DCLK1: variants seen among roughly 807,000 people sequenced by gnomAD.
DCLK1 encodes serine/threonine-protein kinase DCLK1.
Under a neutral mutation model 86.2 loss-of-function variants are expected in DCLK1, and 16 were observed. That is an observed-to-expected ratio of 0.19 (90% CI 0.13 to 0.28). The LOEUF is 0.28. DCLK1 is among the 10% of genes least tolerant of loss of function. DCLK1 has a pLI of 1.00. For missense variants in DCLK1, 590 were observed against 940.2 expected (o/e 0.63, Z 4.87); for synonymous variants, 369 against 370.5 (o/e 1.00, Z 0.05).
intron 10 of DCLK1, among the ~76,000 whole-genome samples, chr13:35,824,909 A>T (rs2087483769): frequency 1.3e-5 from 2 of 152,024 alleles, no homozygotes. Flanking sequence ...GCCTGTCCTC[A>T]TGACAGCGCC....
At chr13:35,856,424 A>C (rs1043583903) in intron 5 of DCLK1, among the ~76,000 whole-genome samples, 1 of 152,218 alleles carries the variant, frequency 6.6e-6, no homozygotes, top group African/African-American at 2.4e-5. Flanking sequence ...TTTTGTGAAT[A>C]TAATATTTTC....
intron 3 of DCLK1, among the ~76,000 whole-genome samples, chr13:36,049,310 TCAATCCATCCC>T (rs1431274067): frequency 6.6e-6 from 1 of 152,150 alleles, no homozygotes; most frequent in East Asian, 1.9e-4. Context: ...TAAGAATGTG[TCAATCCATCCC>T]CAAATTCTAA....
At chr13:35,836,188 G>T in intron 7 of DCLK1, 47 bp from the exon 8 acceptor site, 2 of 1,447,952 alleles carry the variant, frequency 1.4e-6, no homozygotes, top group Non-Finnish European at 1.9e-6. Context: ...AGGGAACACA[G>T]ATGTTGCACA....
intron 3 of DCLK1, among the ~76,000 whole-genome samples, chr13:35,989,505 C>G (rs906688916): frequency 1.3e-5 from 2 of 152,118 alleles, no homozygotes; most frequent in Non-Finnish European, 2.9e-5. Context: ...CTCCTGACCT[C>G]AGGTGATCCA....
chr13:36,103,446 A>G (rs1256815718), intron 3 of DCLK1, among the ~76,000 whole-genome samples: 1 of 151,756 alleles, frequency 6.6e-6, no homozygotes, highest in Non-Finnish European at 1.5e-5. Flanking sequence ...AAAGACCGAA[A>G]TATGAGCAAG....
intron 7 of DCLK1, 48 bp from the exon 8 acceptor site, chr13:35,836,189 A>T: frequency 6.9e-7 from 1 of 1,441,512 alleles, no homozygotes; most frequent in East Asian, 2.3e-5. Context: ...GGGAACACAG[A>T]TGTTGCACAA....
At chr13:35,849,517 G>A (rs1177990245) in intron 6 of DCLK1, 1 of 981,142 alleles carries the variant, frequency 1.0e-6, no homozygotes, top group Non-Finnish European at 1.2e-6. Flanking sequence ...CTAGGATATG[G>A]CTTAAATACA....
intron 3 of DCLK1, among the ~76,000 whole-genome samples, chr13:36,009,814 G>A (rs1881192425): frequency 1.8e-5 from 2 of 110,720 alleles, no homozygotes; most frequent in South Asian, 3.9e-4. Context: ...ATTATCTTGG[G>A]CAGTATGGCC....
intron 16 of DCLK1, among the ~76,000 whole-genome samples, chr13:35,786,652 A>G (rs1218032911): frequency 6.6e-6 from 1 of 152,180 alleles, no homozygotes; most frequent in East Asian, 1.9e-4. Context: ...GGAAGTATAT[A>G]TTCTTTCAGG....
chr13:35,933,820 T>A (rs1423059161), intron 4 of DCLK1, among the ~76,000 whole-genome samples: 1 of 152,228 alleles, frequency 6.6e-6, no homozygotes, highest in Non-Finnish European at 1.5e-5. Context: ...CCCCATTGTC[T>A]TGGGAATGAA....
chr13:36,086,489 T>C (rs1316279906), intron 3 of DCLK1, among the ~76,000 whole-genome samples: 1 of 149,588 alleles, frequency 6.7e-6, no homozygotes, highest in Non-Finnish European at 1.5e-5. Context: ...AGTTCTGGGA[T>C]ACATGCGCAG....
chr13:35,911,138 A>AC (rs945051749), intron 4 of DCLK1, among the ~76,000 whole-genome samples: 5 of 150,680 alleles, frequency 3.3e-5, no homozygotes, highest in South Asian at 4.3e-4. Flanking sequence ...AAAAAAAAAA[A>AC]AAAAAACTAG....
intron 5 of DCLK1, among the ~76,000 whole-genome samples, chr13:35,856,768 A>G (rs1871085478): frequency 6.6e-6 from 1 of 152,160 alleles, no homozygotes; most frequent in Non-Finnish European, 1.5e-5. Flanking sequence ...ATGCACTTAG[A>G]CCTTTTATAT....
chr13:35,943,762 C>T (rs1052755662), intron 4 of DCLK1, among the ~76,000 whole-genome samples: 1 of 152,152 alleles, frequency 6.6e-6, no homozygotes, highest in Admixed American at 6.5e-5. Flanking sequence ...GTGATCCTTT[C>T]TCAACAAAAC....
chr13:35,800,189 A>G (rs1269033029), intron 15 of DCLK1, among the ~76,000 whole-genome samples: 2 of 152,250 alleles, frequency 1.3e-5, no homozygotes, highest in African/African-American at 4.8e-5. Context: ...AACAGTTGTC[A>G]TCTGGCTCAG....
intron 15 of DCLK1, 148 bp from the exon 16 acceptor site, chr13:35,793,627 T>C (rs1225700061): frequency 1.3e-5 from 7 of 541,160 alleles, no homozygotes; most frequent in Admixed American, 7.2e-5. Context: ...TTAAACACTA[T>C]TGTTGGAAGT....
At chr13:35,892,340 A>G (rs868086455) in intron 4 of DCLK1, among the ~76,000 whole-genome samples, 2 of 152,190 alleles carry the variant, frequency 1.3e-5, no homozygotes, top group Non-Finnish European at 2.9e-5. Context: ...CTTAATCACT[A>G]CATTATTAAC....
chr13:35,873,699 T>C (rs1383465909), intron 4 of DCLK1, among the ~76,000 whole-genome samples: 1 of 152,288 alleles, frequency 6.6e-6, no homozygotes, highest in Non-Finnish European at 1.5e-5. Flanking sequence ...AATTGTACTT[T>C]TATAGACAAT....
intron 3 of DCLK1, among the ~76,000 whole-genome samples, chr13:35,972,838 G>A (rs1208293519): frequency 4.6e-5 from 7 of 152,080 alleles, no homozygotes; most frequent in Non-Finnish European, 7.4e-5. Flanking sequence ...CTGATGACAC[G>A]CAGCCTCCTG....
Sources: gnomAD v4.1 joint callset for allele counts (sites outside exome capture counted in the v4.1 genomes callset) on GRCh38, gnomAD v4.1.1 for gene constraint, MANE v1.5 for transcripts, NCBI Gene and HGNC (gene_info 2026-07-23, HGNC 2026-07-21) for gene names.